TAFA1: variants seen among roughly 807,000 people sequenced by gnomAD.
TAFA1 encodes the protein TAFA chemokine like family member 1.
TAFA1 carries 4 observed loss-of-function variants against 18.5 expected under a neutral mutation model. The observed-to-expected ratio is 0.22, with a 90% CI of 0.11 to 0.49. The LOEUF (loss-of-function observed/expected upper bound fraction) is 0.49. Among genes scored for constraint, TAFA1 ranks in the 20% least tolerant of loss-of-function variants. The pLI is 0.98. For missense variants in TAFA1, 147 were observed against 169.0 expected, an observed-to-expected ratio of 0.87 and a Z score of 0.72; for synonymous variants, 56 against 55.2, an observed-to-expected ratio of 1.01 and a Z score of -0.06.
intron 3 of TAFA1, among the ~76,000 whole-genome samples, chr3:68,481,094 C>T (rs2072229422): frequency 6.6e-6 from 1 of 152,200 alleles, no homozygotes; most frequent in African/African-American, 2.4e-5. Context: ...ATTACTCAGA[C>T]TCAGGTATGT....
chr3:68,141,294 C>A (rs907590366), intron 2 of TAFA1, among the ~76,000 whole-genome samples: 1 of 152,144 alleles, frequency 6.6e-6, no homozygotes, highest in Non-Finnish European at 1.5e-5. Flanking sequence ...GATGTATATA[C>A]CTCACAAGAA....
intron 2 of TAFA1, among the ~76,000 whole-genome samples, chr3:68,307,206 T>A (rs2068437639): frequency 6.6e-6 from 1 of 152,200 alleles, no homozygotes; most frequent in African/African-American, 2.4e-5. Flanking sequence ...AAGACCAAAG[T>A]CCATTTTATA....
rs116439111 is a variant in TAFA1 at position 68,292,267 on chromosome 3, C to G, written c.119-125013C>G. 7.6e-3 allele frequency among the ~76,000 whole-genome samples: 1,149 copies of G among 151,968 alleles called. 12 individuals carry two copies. Among genetic ancestry groups the G allele is most frequent in the African/African-American group, 0.026 (1,089 of 41,472 alleles). The stretch of plus-strand genomic sequence containing the variant: ...AGGCATCTGTCCTCTTTTCCCAGAC[C>G]ATCTTCTTTATGGCTTTTCCTCTCA... On this transcript the variant is annotated intron_variant, in intron 2 of 4. Transcript: ENST00000478136.
intron 2 of TAFA1, among the ~76,000 whole-genome samples, chr3:68,173,151 C>G (rs1031550317): frequency 6.6e-6 from 1 of 151,766 alleles, no homozygotes; most frequent in African/African-American, 2.4e-5. Flanking sequence ...AGCTACATTC[C>G]ATGACTAATG....
intron 2 of TAFA1, among the ~76,000 whole-genome samples, chr3:68,231,167 A>C (rs2066866312): frequency 6.6e-6 from 1 of 152,158 alleles, no homozygotes; most frequent in Admixed American, 6.5e-5. Flanking sequence ...ATAGAGATAC[A>C]AATTTTTGTA....
chr3:68,531,110 C>T (rs910755857), intron 3 of TAFA1, among the ~76,000 whole-genome samples: 1 of 152,152 alleles, frequency 6.6e-6, no homozygotes, highest in East Asian at 1.9e-4. Context: ...GCACTTCCTA[C>T]CTGTGTAAGC....
intron 2 of TAFA1, among the ~76,000 whole-genome samples, chr3:68,331,956 C>T (rs6763516): frequency 0.34 from 49,979 of 148,552 alleles, 8,701 homozygotes; most frequent in East Asian, 0.5. Flanking sequence ...CTCTGCCTCC[C>T]GGGTTCACGC....
intron 2 of TAFA1, among the ~76,000 whole-genome samples, chr3:68,353,399 C>A (rs1052912342): frequency 6.6e-6 from 1 of 152,026 alleles, no homozygotes; most frequent in African/African-American, 2.4e-5. Flanking sequence ...CTCACCTTAT[C>A]GGTTTATGTT....
intron 2 of TAFA1, among the ~76,000 whole-genome samples, chr3:68,078,291 A>T (rs1461621153): frequency 6.6e-6 from 1 of 151,402 alleles, no homozygotes; most frequent in Non-Finnish European, 1.5e-5. Context: ...TCCTAATTGA[A>T]TACCCTTTAT....
intron 2 of TAFA1, among the ~76,000 whole-genome samples, chr3:68,240,879 A>T (rs1467906322): frequency 3.3e-5 from 5 of 152,188 alleles, no homozygotes; most frequent in Non-Finnish European, 7.4e-5. Context: ...CTGTACAGAG[A>T]CAGAGAGCAA....
chr3:68,235,086 T>G (rs1382636687), intron 2 of TAFA1, among the ~76,000 whole-genome samples: 1 of 152,196 alleles, frequency 6.6e-6, no homozygotes, highest in Non-Finnish European at 1.5e-5. Flanking sequence ...GAGGCCAATA[T>G]GCATTTTCAC....
At chr3:68,116,943 C>CA (rs1312496943) in intron 2 of TAFA1, among the ~76,000 whole-genome samples, 1 of 152,198 alleles carries the variant, frequency 6.6e-6, no homozygotes, top group East Asian at 1.9e-4. Context: ...ATCTGGCCTG[C>CA]AAAACCTAAA....
intron 2 of TAFA1, among the ~76,000 whole-genome samples, chr3:68,292,571 AG>A (rs2068129339): frequency 6.6e-6 from 1 of 152,120 alleles, no homozygotes; most frequent in Non-Finnish European, 1.5e-5. Flanking sequence ...CTATCGCCCA[AG>A]CTGGAGTGCA....
At chr3:68,098,459 A>G (rs2065112810) in intron 2 of TAFA1, among the ~76,000 whole-genome samples, 1 of 152,140 alleles carries the variant, frequency 6.6e-6, no homozygotes, top group South Asian at 2.1e-4. Context: ...TATCTTAGTG[A>G]GTTTTTACTA....
At chr3:68,270,145 G>A (rs2107225941) in intron 2 of TAFA1, among the ~76,000 whole-genome samples, 1 of 152,214 alleles carries the variant, frequency 6.6e-6, no homozygotes, top group East Asian at 1.9e-4. Context: ...TTCAATATCT[G>A]CTTCATCACT....
In TAFA1 at chr3:68,006,646, T is replaced by C; in HGVS notation, c.20T>C (p.Met7Thr). The change falls in exon 2 of 5, where the codon ATG becomes ACG. Residue 7 changes from methionine to threonine, a missense_variant. Physicochemically the swap from Met to Thr is moderately conservative, Grantham distance 81. Coordinates refer to ENST00000478136, the MANE Select transcript of TAFA1 (RefSeq NM_213609.4). ...TAGAGAATGGCAATGGTCTCTGCGA[T>C]GTCCTGGGTCCTGTATTTGTGGATA... Reference protein sequence around the residue: MAMVSAMSWVLYLWISA... With the variant: MAMVSATSWVLYLWISA... The C allele has an allele frequency of 6.2e-7, 1 of 1,613,778 alleles. No individual in the cohort carries two copies. The highest frequency in any genetic ancestry group is 1.1e-5 in the South Asian group (1 of 91,086).
At chr3:68,309,786 C>T (rs1032098465) in intron 2 of TAFA1, among the ~76,000 whole-genome samples, 5 of 152,194 alleles carry the variant, frequency 3.3e-5, no homozygotes, top group African/African-American at 1.2e-4. Context: ...ACATGGTCCT[C>T]AAATCATGTC....
chr3:68,520,733 A>C (rs2073007781), intron 3 of TAFA1, among the ~76,000 whole-genome samples: 2 of 152,220 alleles, frequency 1.3e-5, no homozygotes, highest in Non-Finnish European at 2.9e-5. Flanking sequence ...TCATGCATGT[A>C]AAGTGGAGGG....
chr3:68,238,578 G>T (rs2066958345), intron 2 of TAFA1, among the ~76,000 whole-genome samples: 2 of 152,134 alleles, frequency 1.3e-5, no homozygotes, highest in Admixed American at 1.3e-4. Flanking sequence ...ACTTGGTAGG[G>T]TATTAAATGG....
Sources: allele counts gnomAD v4.1 joint callset (sites outside exome capture counted in the v4.1 genomes callset), GRCh38; gene constraint gnomAD v4.1.1; transcripts MANE v1.5; gene names NCBI Gene and HGNC (gene_info 2026-07-23, HGNC 2026-07-21).